Variants in DLC1 observed in about 807,000 individuals in gnomAD.
The protein encoded by DLC1 is DLC1 Rho GTPase activating protein.
In DLC1, 54 loss-of-function variants were observed where a neutral mutation model predicts 140.3. That is an observed-to-expected ratio of 0.38 (90% confidence interval 0.31 to 0.48). The LOEUF is 0.48. Among genes scored for constraint, DLC1 ranks in the 20% least tolerant of loss-of-function variants. The pLI is 0.96. For synonymous variants in DLC1, 986 were observed against 728.1 expected (o/e 1.35, Z -5.70); for missense variants, 2,536 against 1,907.0 (o/e 1.33, Z -6.14).
chr8:13,302,304 G>A (rs1004778166), intron 5 of DLC1, among the ~76,000 whole-genome samples: 3 of 152,188 alleles, frequency 2.0e-5, no homozygotes, highest in African/African-American at 7.2e-5. Flanking sequence ...GTTCATAACT[G>A]CTTCCTCAGT....
chr8:13,426,889 A>T (rs1356890050), intron 2 of DLC1, among the ~76,000 whole-genome samples: 1 of 152,098 alleles, frequency 6.6e-6, no homozygotes, highest in African/African-American at 2.4e-5. Flanking sequence ...GATTGCTTTC[A>T]ATGATGCTCT....
At chr8:13,478,248 AGTG>A (rs1439423944) in intron 2 of DLC1, among the ~76,000 whole-genome samples, 1 of 152,098 alleles carries the variant, frequency 6.6e-6, no homozygotes, top group African/African-American at 2.4e-5. Context: ...AGCAGGAGTG[AGTG>A]AGAGAGAGAA....
At chr8:13,321,010 C>T (rs1486954986) in intron 4 of DLC1, among the ~76,000 whole-genome samples, 2 of 152,146 alleles carry the variant, frequency 1.3e-5, no homozygotes, top group Admixed American at 6.5e-5. Context: ...GATGCCAGCA[C>T]CATGCTTCTT....
intron 2 of DLC1, among the ~76,000 whole-genome samples, chr8:13,430,599 AAC>A (rs1838821247): frequency 6.6e-6 from 1 of 152,204 alleles, no homozygotes; most frequent in Non-Finnish European, 1.5e-5. Context: ...GTGAAAAGGG[AAC>A]ACACTTTCAA....
chr8:13,111,659 G>C (rs1820123309), intron 6 of DLC1, among the ~76,000 whole-genome samples: 1 of 152,142 alleles, frequency 6.6e-6, no homozygotes, highest in South Asian at 2.1e-4. Context: ...CAACAGCTCT[G>C]AAATTGCCAC....
chr8:13,530,021 A>C (rs1358555162), intron 1 of DLC1, among the ~76,000 whole-genome samples: 1 of 152,172 alleles, frequency 6.6e-6, no homozygotes, highest in Non-Finnish European at 1.5e-5. Flanking sequence ...GGATGCGAAG[A>C]GGGTTGGAGG....
intron 5 of DLC1, among the ~76,000 whole-genome samples, chr8:13,155,044 C>G (rs2128980561): frequency 6.6e-6 from 1 of 151,846 alleles, no homozygotes; most frequent in East Asian, 1.9e-4. Context: ...ATATCCTAGG[C>G]ATTCTCATTC....
intron 1 of DLC1, among the ~76,000 whole-genome samples, chr8:13,555,455 T>G (rs911082444): frequency 6.6e-6 from 1 of 152,172 alleles, no homozygotes; most frequent in Admixed American, 6.5e-5. Flanking sequence ...AATGAATAGG[T>G]GGCTTTCATT....
At chr8:13,133,226 G>T in intron 5 of DLC1, 2 of 1,411,114 alleles carry the variant, frequency 1.4e-6, no homozygotes, top group Admixed American at 3.0e-5. Flanking sequence ...CTCCTGATGC[G>T]GAGAGGTGCG....
intron 4 of DLC1, among the ~76,000 whole-genome samples, chr8:13,339,060 C>T (rs1286606137): frequency 2.6e-5 from 4 of 152,084 alleles, no homozygotes; most frequent in South Asian, 2.1e-4. Flanking sequence ...TCTATGAATA[C>T]GGGCTCAGTA....
chr8:13,574,421 C>G (rs1023900667), intron 1 of DLC1, among the ~76,000 whole-genome samples: 4 of 151,952 alleles, frequency 2.6e-5, no homozygotes, highest in Non-Finnish European at 5.9e-5. Context: ...TGAATATATT[C>G]AAAGGGGGTT....
At chr8:13,303,300 A>G (rs1414591467) in intron 5 of DLC1, among the ~76,000 whole-genome samples, 1 of 152,136 alleles carries the variant, frequency 6.6e-6, no homozygotes, top group Admixed American at 6.5e-5. Flanking sequence ...TGTGGAGATC[A>G]CATATGTCAT....
intron 2 of DLC1, among the ~76,000 whole-genome samples, chr8:13,463,000 C>G (rs931778972): frequency 6.6e-6 from 1 of 152,152 alleles, no homozygotes; most frequent in East Asian, 1.9e-4. Context: ...ACTTTGGAAT[C>G]ACAGGCAACA....
At chr8:13,524,553 G>C (rs11992058) in intron 1 of DLC1, among the ~76,000 whole-genome samples, 15,639 of 152,124 alleles carry the variant, frequency 0.1, 1,242 homozygotes, top group South Asian at 0.2. Flanking sequence ...TTGGCACATA[G>C]TCATCTGCAT....
At chr8:13,133,165 T>C in intron 5 of DLC1, 1 of 1,439,578 alleles carries the variant, frequency 6.9e-7, no homozygotes, top group Non-Finnish European at 9.1e-7. Context: ...TTTCTAAAGA[T>C]CGAAACGAGG....
At chr8:13,583,376 C>G (rs900191094) in intron 1 of DLC1, among the ~76,000 whole-genome samples, 1 of 152,154 alleles carries the variant, frequency 6.6e-6, no homozygotes, top group African/African-American at 2.4e-5. Context: ...GCTTTCTTTG[C>G]TCATCCATAA....
At chr8:13,578,622 C>G (rs1222394804) in intron 1 of DLC1, among the ~76,000 whole-genome samples, 1 of 152,140 alleles carries the variant, frequency 6.6e-6, no homozygotes. Context: ...ACCCTCTCCT[C>G]AGGTTCAATT....
chr8:13,412,509 A>G (rs1188802643), intron 2 of DLC1, among the ~76,000 whole-genome samples: 1 of 152,144 alleles, frequency 6.6e-6, no homozygotes, highest in Non-Finnish European at 1.5e-5. Context: ...CTTACTATCA[A>G]TAGAAAATTT....
At chr8:13,416,615 A>G (rs554300501) in intron 2 of DLC1, among the ~76,000 whole-genome samples, 3 of 152,298 alleles carry the variant, frequency 2.0e-5, no homozygotes, top group South Asian at 4.1e-4. Flanking sequence ...ACAGACCAAA[A>G]TAGTATAAAC....
Sources: gnomAD v4.1 joint callset for allele counts (sites outside exome capture counted in the v4.1 genomes callset) on GRCh38, gnomAD v4.1.1 for gene constraint, MANE v1.5 for transcripts, NCBI Gene and HGNC (gene_info 2026-07-23, HGNC 2026-07-21) for gene names.